PLXNA4: variants seen among roughly 807,000 people sequenced by gnomAD.
The protein encoded by PLXNA4 is plexin-A4.
Under a neutral mutation model 191.8 loss-of-function variants are expected in PLXNA4, and 44 were observed. The ratio of observed to expected loss-of-function variants is 0.23; its 90% CI spans 0.18 to 0.29. The LOEUF is 0.29. Ranked by LOEUF, PLXNA4 falls within the 10% of genes least tolerant of loss-of-function variation. The pLI is 1.00. For synonymous variants in PLXNA4, 1,082 were observed against 1,009.5 expected, an observed-to-expected ratio of 1.07 and a Z score of -1.36; for missense variants, 1,800 against 2,488.8, an observed-to-expected ratio of 0.72 and a Z score of 5.89.
chr7:132,570,253 G>A (rs1801918269), intron 1 of PLXNA4, among the ~76,000 whole-genome samples: 1 of 152,152 alleles, frequency 6.6e-6, no homozygotes, highest in African/African-American at 2.4e-5. Context: ...AGGAAAGCAG[G>A]CCTGAGATGG....
chr7:132,263,619 C>T (rs917927589), intron 4 of PLXNA4, among the ~76,000 whole-genome samples: 1 of 152,202 alleles, frequency 6.6e-6, no homozygotes, highest in Non-Finnish European at 1.5e-5. Flanking sequence ...CCACTGCATG[C>T]ATTGATTTTG....
At chr7:132,619,445 G>C (rs1481810729) in intron 2 of PLXNA4, among the ~76,000 whole-genome samples, 5 of 152,184 alleles carry the variant, frequency 3.3e-5, no homozygotes, top group Non-Finnish European at 5.9e-5. Flanking sequence ...TGTTTCATCA[G>C]CTTTATTGCT....
intron 2 of PLXNA4, among the ~76,000 whole-genome samples, chr7:132,609,522 T>C (rs952547041): frequency 6.6e-6 from 1 of 152,192 alleles, no homozygotes; most frequent in African/African-American, 2.4e-5. Context: ...TATCGTCATA[T>C]GTAGGTGATG....
At position 132,384,499 on chromosome 7, in the gene PLXNA4, C is replaced by A. The variant is rs907623250; in HGVS notation, c.1372-86277G>T. The A allele has an allele frequency of 7.1e-6, 7 of 986,070 alleles. No homozygotes were observed. The African/African-American group carries it at 1.0e-4, about 15-fold the overall frequency. The allele number at this position is 986,070 out of a possible 1,614,324, so 61.1% of individuals were successfully genotyped here. A position where few individuals can be genotyped will look rare whatever the true frequency, so the allele number is the denominator to read the frequency against. On this transcript the variant is annotated intron_variant, in intron 3 of 31. Coordinates refer to ENST00000321063, the MANE Select transcript of PLXNA4 (RefSeq NM_020911.2). ...AGACACTGCTCACGCTTTGTTGTAA[C>A]CATAGTCTTAAGGAAAGGAGACTGG...
chr7:132,496,027 TG>T (rs1334842561), intron 2 of PLXNA4, among the ~76,000 whole-genome samples: 1 of 152,178 alleles, frequency 6.6e-6, no homozygotes, highest in Non-Finnish European at 1.5e-5. Flanking sequence ...TTTCCCAGTG[TG>T]GGGATGGACA....
At chr7:132,157,772 T>C (rs1019235862) in intron 25 of PLXNA4, among the ~76,000 whole-genome samples, 5 of 152,172 alleles carry the variant, frequency 3.3e-5, no homozygotes, top group Non-Finnish European at 5.9e-5. Context: ...CTGGTTCCAC[T>C]ACCAAACTCA....
Position 132,508,551 on chromosome 7 carries a change from G to A in PLXNA4, c.143C>T (p.Ala48Val). ...RSFVTFRGEPAEGFNHLVVDE... is the reference protein window; with the variant it reads ...RSFVTFRGEPVEGFNHLVVDE... ...CACCACCAGGTGATTGAAACCCTCG[G>A]CGGGCTCTCCTCGGAATGTGACAAA... The change falls in exon 2 of 32, where the codon GCC (alanine) becomes GTC (valine). Residue 48 changes from alanine (A) to valine (V), a missense_variant. Transcript: ENST00000321063. This position sits in a 1 kb window ranked among gnomAD's most constrained non-coding sequence, Gnocchi z 4.4. The A allele has an allele frequency of 6.2e-7, 1 of 1,614,158 alleles. No homozygotes were observed. Among genetic ancestry groups the A allele is most frequent in the Non-Finnish European group, 8.5e-7 (1 of 1,180,030 alleles).
chr7:132,484,738 C>A, intron 3 of PLXNA4: 1 of 1,582,132 alleles, frequency 6.3e-7, no homozygotes, highest in South Asian at 1.2e-5. Flanking sequence ...TTTCCTGACA[C>A]TTCCATCCAT....
At chr7:132,181,681 GCA>G in intron 17 of PLXNA4, 61 bp from the exon 18 acceptor site, 1 of 1,588,104 alleles carries the variant, frequency 6.3e-7, no homozygotes, top group East Asian at 2.3e-5. Flanking sequence ...CAGCCCCAGT[GCA>G]CATAGTGGGC....
intron 2 of PLXNA4, among the ~76,000 whole-genome samples, chr7:132,609,365 G>T (rs921615130): frequency 6.6e-6 from 1 of 152,108 alleles, no homozygotes; most frequent in Non-Finnish European, 1.5e-5. Flanking sequence ...TCATGTGGTT[G>T]TAAGTCCTGC....
chr7:132,547,527 T>C (rs1374890674), intron 1 of PLXNA4, among the ~76,000 whole-genome samples: 1 of 151,962 alleles, frequency 6.6e-6, no homozygotes. Context: ...CATGGGTAAG[T>C]GTATAGTGAG....
intron 4 of PLXNA4, among the ~76,000 whole-genome samples, chr7:132,297,487 A>G (rs1265000143): frequency 6.6e-6 from 1 of 152,104 alleles, no homozygotes; most frequent in African/African-American, 2.4e-5. Context: ...AACCAAGCCC[A>G]GGTTTTCTAC....
At chr7:132,240,941 G>GA in intron 5 of PLXNA4, 125 bp downstream of exon 5, 1 of 610,986 alleles carries the variant, frequency 1.6e-6, no homozygotes, top group Admixed American at 3.3e-5. Flanking sequence ...TGCAAGGAAG[G>GA]AAGAGCAAGA....
At chr7:132,347,022 A>G (rs1331996490) in intron 3 of PLXNA4, among the ~76,000 whole-genome samples, 1 of 152,210 alleles carries the variant, frequency 6.6e-6, no homozygotes, top group Non-Finnish European at 1.5e-5. Context: ...ATAAAATATA[A>G]ATAACATGGA....
At chr7:132,321,113 C>T (rs775463627) in intron 3 of PLXNA4, among the ~76,000 whole-genome samples, 38 of 152,278 alleles carry the variant, frequency 2.5e-4, no homozygotes, top group Non-Finnish European at 4.9e-4. Context: ...TGTTTTTCTC[C>T]GGCTGCCTCT....
intron 3 of PLXNA4, among the ~76,000 whole-genome samples, chr7:132,466,280 CA>C (rs1308619948): frequency 1.3e-5 from 2 of 152,174 alleles, no homozygotes; most frequent in Non-Finnish European, 2.9e-5. Flanking sequence ...TGACCACACT[CA>C]GCTCAGCCTG....
At chr7:132,642,035 T>C (rs1203432554) in intron 2 of PLXNA4, among the ~76,000 whole-genome samples, 1 of 152,212 alleles carries the variant, frequency 6.6e-6, no homozygotes, top group Non-Finnish European at 1.5e-5. Flanking sequence ...CATGTAATTC[T>C]TGTGCAGTTT....
chr7:132,164,213 T>A lies in PLXNA4; in HGVS notation c.4429A>T (p.Ile1477Phe). 6.2e-7 allele frequency: 1 copy of A among 1,614,242 alleles called. No individual in the cohort carries two copies. The highest frequency in any genetic ancestry group is 8.5e-7 in the Non-Finnish European group (1 of 1,180,040). The change falls in exon 24 of 32, where the codon ATC becomes TTC. Residue 1477 changes from isoleucine (I) to phenylalanine (F), a missense_variant. Transcript: ENST00000321063. ...QQMEKGPIDA[I>F]TGEARYSLSE... Reference sequence around the variant, plus strand: ...AAGGAGTAGCGGGCCTCGCCCGTGATGGCGTCAATGGGGCCCTTCTCCATC... The same window carrying A: ...AAGGAGTAGCGGGCCTCGCCCGTGAAGGCGTCAATGGGGCCCTTCTCCATC...
intron 1 of PLXNA4, among the ~76,000 whole-genome samples, chr7:132,541,183 C>T (rs1800064765): frequency 6.6e-6 from 1 of 152,182 alleles, no homozygotes; most frequent in Admixed American, 6.5e-5. Context: ...TGAAGTTGGC[C>T]ATTTCCCCTA....
Sources: gnomAD v4.1 joint callset for allele counts (sites outside exome capture counted in the v4.1 genomes callset) on GRCh38, gnomAD v4.1.1 for gene constraint, Gnocchi (gnomAD v3.1) non-coding constraint, MANE v1.5 for transcripts, NCBI Gene and HGNC (gene_info 2026-07-23, HGNC 2026-07-21) for gene names.